ROS1: variants seen among roughly 807,000 people sequenced by gnomAD.
The protein encoded by ROS1 is ROS proto-oncogene 1, receptor tyrosine kinase.
ROS1 carries 263 observed loss-of-function variants against 273.5 expected under a neutral mutation model. That is an observed-to-expected ratio of 0.96 (90% CI 0.87 to 1.06). The LOEUF is 1.06. Among genes scored for constraint, ROS1 ranks in the 50% least tolerant of loss-of-function variants. The probability of loss-of-function intolerance (pLI) is 0.00; values close to 1 mark genes in which losing one functional copy is unlikely to be tolerated. For synonymous variants in ROS1, 1,008 were observed against 954.1 expected, an observed-to-expected ratio of 1.06 and a Z score of -1.04; for missense variants, 2,833 against 2,751.1, an observed-to-expected ratio of 1.03 and a Z score of -0.67.
At chr6:117,405,694 G>A (rs1449098493) in intron 5 of ROS1, among the ~76,000 whole-genome samples, 1 of 152,124 alleles carries the variant, frequency 6.6e-6, no homozygotes, top group Admixed American at 6.6e-5. Context: ...GTAGGTTTAT[G>A]CTAAAATATC....
At position 117,287,889 on chromosome 6, in the gene ROS1, G is replaced by T. The variant is rs1773547237; in HGVS notation, c.*603C>A. Among the ~76,000 whole-genome samples the T allele has an allele frequency of 6.9e-6, 1 of 145,938 alleles. No individual in the cohort carries two copies. Among genetic ancestry groups the T allele is most frequent in the Non-Finnish European group, 1.5e-5 (1 of 67,328 alleles). On this transcript the variant is annotated 3_prime_UTR_variant, in exon 44 of 44. Coordinates refer to ENST00000368507, the MANE Select transcript of ROS1 (RefSeq NM_001378902.1). ...GCCGAGATCGTGCCATTGAACTCCA[G>T]CCTGGGCAACAGAGCAAGACTTCGT...
Position 117,292,746 on chromosome 6 carries a change from T to C in ROS1, c.6716-3944A>G, listed in dbSNP as rs190277722. Among the ~76,000 whole-genome samples, 4 of 152,352 alleles carry C rather than the reference T, an allele frequency of 2.6e-5. No individual in the cohort carries two copies. In the East Asian group the frequency reaches 7.7e-4, roughly 29 times the overall value. ...ATATGCAAAACTGTTCCTCTTCCTA[T>C]GTTCCTCATCTCCAGGAATAGCGTT... is the stretch of plus-strand genomic sequence containing the variant. On this transcript the variant is annotated intron_variant, in intron 43 of 43. Coordinates refer to ENST00000368507, the MANE Select transcript of ROS1 (RefSeq NM_001378902.1).
chr6:117,347,096 CA>C (rs1201034015), intron 27 of ROS1, among the ~76,000 whole-genome samples: 1 of 152,072 alleles, frequency 6.6e-6, no homozygotes, highest in Non-Finnish European at 1.5e-5. Context: ...TTAATATCTA[CA>C]AAATAACTTT....
At chr6:117,424,503 T>C (rs1441927878) in intron 1 of ROS1, among the ~76,000 whole-genome samples, 3 of 152,048 alleles carry the variant, frequency 2.0e-5, no homozygotes, top group Admixed American at 2.0e-4. Context: ...TTCCATTCAG[T>C]AGTTGAAACA....
chr6:117,404,463 T>C (rs1435631026), intron 5 of ROS1, 35 bp from the exon 6 acceptor site: 2 of 1,603,760 alleles, frequency 1.2e-6, no homozygotes, highest in Non-Finnish European at 1.7e-6. Flanking sequence ...CACCACGCAC[T>C]CCTGTCCATC....
chr6:117,318,362 G>C (rs967292640), intron 37 of ROS1, 110 bp from the exon 38 acceptor site: 3 of 773,540 alleles, frequency 3.9e-6, no homozygotes, highest in Admixed American at 4.0e-5. Context: ...CTGAAAGCTG[G>C]AAACAGATCG....
At chr6:117,368,195 G>A (rs1227355480) in intron 18 of ROS1, among the ~76,000 whole-genome samples, 1 of 152,010 alleles carries the variant, frequency 6.6e-6, no homozygotes, top group South Asian at 2.1e-4. Flanking sequence ...AAATCTGCTT[G>A]GTTGTTTCTG....
intron 43 of ROS1, among the ~76,000 whole-genome samples, chr6:117,290,066 A>G (rs1357502567): frequency 1.3e-5 from 2 of 152,226 alleles, no homozygotes; most frequent in African/African-American, 2.4e-5. Context: ...TAGAATTTCA[A>G]CAAAAACTTA....
chr6:117,310,261 C>T lies in ROS1; in HGVS notation c.6236G>A (p.Cys2079Tyr), dbSNP rs1775437483. 1 of 1,608,854 alleles carries T rather than the reference C, an allele frequency of 6.2e-7. No individual in the cohort carries two copies. Among genetic ancestry groups the T allele is most frequent in the East Asian group, 2.2e-5 (1 of 44,762 alleles). ...GGTATAGTCTTTCACGGAAACAAGG[C>T]AATTTCTAGCTGCCAGATCCCTGTG... is the stretch of plus-strand genomic sequence containing the variant. ...FIHRDLAARN[C>Y]LVSVKDYTSP... The change falls in exon 41 of 44, where the codon TGC becomes TAC. Residue 2079 changes from cysteine to tyrosine, a missense_variant. Transcript: ENST00000368507.
intron 43 of ROS1, among the ~76,000 whole-genome samples, chr6:117,290,384 G>C (rs1054258904): frequency 2.6e-5 from 4 of 152,172 alleles, no homozygotes; most frequent in Non-Finnish European, 5.9e-5. Context: ...GTTGCAAAAA[G>C]AGCTTACAAG....
intron 42 of ROS1, among the ~76,000 whole-genome samples, chr6:117,305,062 C>T (rs1354225206): frequency 2.0e-5 from 3 of 152,134 alleles, no homozygotes; most frequent in Non-Finnish European, 2.9e-5. Context: ...AACCTCTTTT[C>T]TTTATAAATT....
intron 7 of ROS1, 80 bp from the exon 8 acceptor site, chr6:117,397,196 G>GTTT: frequency 1.1e-5 from 8 of 726,936 alleles, no homozygotes; most frequent in South Asian, 4.4e-5. Context: ...AAAAAGTCTT[G>GTTT]TTTTTTTTTT....
intron 18 of ROS1, among the ~76,000 whole-genome samples, chr6:117,371,830 A>G (rs1780806905): frequency 6.6e-6 from 1 of 152,106 alleles, no homozygotes. Context: ...ATAATGCAGT[A>G]AAGTCAGCCA....
At chr6:117,394,123 ACTGT>A (rs776720559) in intron 11 of ROS1, 35 bp downstream of exon 11, 9 of 1,342,272 alleles carry the variant, frequency 6.7e-6, no homozygotes, top group African/African-American at 3.0e-5. Flanking sequence ...TATCAGTATC[ACTGT>A]CTATCACTAT....
Position 117,318,259 on chromosome 6 carries a change from A to G in ROS1, c.5923-7T>C. ...TGGAACCCTTCTTCAAAGTCTATAC[A>G]ACATAAAAACAAGTCAGGAATCAGT... On this transcript the variant is annotated splice_region_variant and splice_polypyrimidine_tract_variant and intron_variant, in intron 37 of 43. Coordinates refer to ENST00000368507, the MANE Select transcript of ROS1 (RefSeq NM_001378902.1). 6.2e-7 allele frequency: 1 copy of G among 1,608,444 alleles called. No homozygotes were observed. Among genetic ancestry groups the G allele is most frequent in the Non-Finnish European group, 8.5e-7 (1 of 1,175,320 alleles).
intron 18 of ROS1, among the ~76,000 whole-genome samples, chr6:117,376,072 G>A (rs976398987): frequency 2.6e-5 from 4 of 151,644 alleles, no homozygotes; most frequent in African/African-American, 9.7e-5. Flanking sequence ...AATAAAAAAT[G>A]GACAATCAGA....
chr6:117,366,215 A>G lies in ROS1; in HGVS notation c.2658T>C (p.Tyr886=), dbSNP rs1276475859. The G allele has an allele frequency of 6.2e-7, 1 of 1,614,088 alleles. No individual in the cohort carries two copies. The highest frequency in any genetic ancestry group is 1.1e-5 in the South Asian group (1 of 91,078). ...SEISQNALMY[Y]SGRLFWINGF... The stretch of plus-strand genomic sequence containing the variant: ...CATTGATCCAGAACAGCCGACCACT[A>G]TAGTACATCAGTGCATTCTGGGAAA... The change falls in exon 19 of 44, where the codon TAT becomes TAC. Residue 886 remains tyrosine (Y), a synonymous_variant. Transcript: ENST00000368507.
Position 117,318,269 on chromosome 6 carries a change from C to T in ROS1, c.5923-17G>A. 1 of 1,601,590 alleles carries T rather than the reference C, an allele frequency of 6.2e-7. No individual in the cohort carries two copies. The highest frequency in any genetic ancestry group is 8.6e-7 in the Non-Finnish European group (1 of 1,169,216). On this transcript the variant is annotated splice_polypyrimidine_tract_variant and intron_variant, in intron 37 of 43. Transcript: ENST00000368507. ...CTTCAAAGTCTATACAACATAAAAA[C>T]AAGTCAGGAATCAGTATAGCAGACA... is the stretch of plus-strand genomic sequence containing the variant.
At chr6:117,309,067 C>T (rs904541037) in intron 41 of ROS1, 139 bp from the exon 42 acceptor site, 2 of 711,634 alleles carry the variant, frequency 2.8e-6, no homozygotes, top group South Asian at 2.1e-5. Flanking sequence ...AGGCAAACGG[C>T]AGATATAAAA....
Sources: gnomAD v4.1 joint callset for allele counts (sites outside exome capture counted in the v4.1 genomes callset) on GRCh38, gnomAD v4.1.1 for gene constraint, MANE v1.5 for transcripts, NCBI Gene and HGNC (gene_info 2026-07-23, HGNC 2026-07-21) for gene names.